The following KAZN variants were observed in gnomAD, a reference collection of about 807,000 sequenced individuals.
KAZN encodes the protein kazrin, periplakin interacting protein.
KAZN carries 40 observed loss-of-function variants against 87.4 expected under a neutral mutation model. The ratio of observed to expected loss-of-function variants is 0.46; its 90% CI spans 0.36 to 0.60. The LOEUF (loss-of-function observed/expected upper bound fraction) is 0.60, where lower values mean the gene tolerates loss of function less well. Ranked by LOEUF, KAZN falls within the 20% of genes least tolerant of loss-of-function variation. The pLI, the probability that KAZN is intolerant of heterozygous loss-of-function variation, is 0.00. For synonymous variants in KAZN, 466 were observed against 458.3 expected (o/e 1.02, Z -0.22); for missense variants, 898 against 1,073.9 (o/e 0.84, Z 2.29).
chr1:14,664,103 A>T (rs887534723), intron 1 of KAZN, among the ~76,000 whole-genome samples: 1 of 152,240 alleles, frequency 6.6e-6, no homozygotes, highest in Non-Finnish European at 1.5e-5. Flanking sequence ...CACCTATATG[A>T]GGTAGTTAGA....
intron 1 of KAZN, among the ~76,000 whole-genome samples, chr1:14,046,592 C>G (rs1331940354): frequency 6.6e-6 from 1 of 152,164 alleles, no homozygotes; most frequent in Non-Finnish European, 1.5e-5. Context: ...TTGGAGAGAG[C>G]TACATGGATC....
intron 1 of KAZN, among the ~76,000 whole-genome samples, chr1:14,822,987 T>A (rs1248899851): frequency 6.6e-6 from 1 of 152,164 alleles, no homozygotes; most frequent in Non-Finnish European, 1.5e-5. Context: ...GCCACCATCC[T>A]ATGGGGAAGG....
chr1:14,710,686 G>A (rs1416592207), intron 1 of KAZN, among the ~76,000 whole-genome samples: 2 of 152,034 alleles, frequency 1.3e-5, no homozygotes, highest in East Asian at 3.9e-4. Flanking sequence ...TTTTTCCATT[G>A]CCCCAGCCCT....
At chr1:14,422,461 A>G (rs945961782) in intron 2 of KAZN, among the ~76,000 whole-genome samples, 2 of 152,232 alleles carry the variant, frequency 1.3e-5, no homozygotes, top group African/African-American at 4.8e-5. Flanking sequence ...TCCAGGGTCA[A>G]CCTGCACCAC....
At chr1:14,365,983 G>T (rs1222967566) in intron 2 of KAZN, among the ~76,000 whole-genome samples, 4 of 152,166 alleles carry the variant, frequency 2.6e-5, no homozygotes, top group Non-Finnish European at 5.9e-5. Context: ...AGTTATTATT[G>T]TTAGTTCATA....
chr1:13,977,922 T>C (rs949732386), intron 1 of KAZN, among the ~76,000 whole-genome samples: 1 of 152,026 alleles, frequency 6.6e-6, no homozygotes, highest in Admixed American at 6.6e-5. Context: ...GGTCAGGAGA[T>C]TGAGACCATC....
intron 1 of KAZN, among the ~76,000 whole-genome samples, chr1:14,025,201 C>T (rs1048248516): frequency 5.3e-5 from 8 of 152,212 alleles, no homozygotes; most frequent in Non-Finnish European, 8.8e-5. Context: ...ATATCATGCA[C>T]TTCACTCAAC....
chr1:14,062,407 T>C (rs1354885852), intron 1 of KAZN, among the ~76,000 whole-genome samples: 1 of 152,174 alleles, frequency 6.6e-6, no homozygotes, highest in African/African-American at 2.4e-5. Flanking sequence ...AGTTTCCCAC[T>C]GAGATCTTAA....
chr1:14,307,119 C>T (rs369831211), intron 2 of KAZN, among the ~76,000 whole-genome samples: 3 of 152,074 alleles, frequency 2.0e-5, no homozygotes, highest in African/African-American at 7.3e-5. Flanking sequence ...GTTGACCCTT[C>T]GTGGTCCCAC....
Position 14,556,872 on chromosome 1 carries a change from C to T in KAZN, c.250-42111C>T, listed in dbSNP as rs763559863. Among the ~76,000 whole-genome samples, 6 of 152,130 alleles carry T rather than the reference C, an allele frequency of 3.9e-5. No individual in the cohort carries two copies. In the South Asian group the frequency reaches 6.2e-4, roughly 16 times the overall value. On this transcript the variant is annotated intron_variant, in intron 2 of 16. Transcript: ENST00000636203. ...CTTAGTGCCCAACTTTAAATATTCC[C>T]GAGGACCCTTGCATGGCTGATCTGG... is the stretch of plus-strand genomic sequence containing the variant.
At chr1:14,981,119 C>G (rs1206157286) in intron 2 of KAZN, among the ~76,000 whole-genome samples, 1 of 152,108 alleles carries the variant, frequency 6.6e-6, no homozygotes, top group African/African-American at 2.4e-5. Context: ...CGTGCTTGCT[C>G]CAAGAAGGGA....
At position 14,856,173 on chromosome 1, in the gene KAZN, G is replaced by T. The variant is rs1650080453; in HGVS notation, c.227-104511G>T. On this transcript the variant is annotated intron_variant, in intron 1 of 14. Coordinates refer to ENST00000376030, the MANE Select transcript of KAZN (RefSeq NM_201628.3). The surrounding 1 kb of genome is among the most constrained non-coding windows in gnomAD (Gnocchi z 5.2). ...TCTGAGGGTGGTCAGGGAGGCTGCA[G>T]CTCTTGGGAGGATAATGGGCATAGA... Among the ~76,000 whole-genome samples the T allele has an allele frequency of 6.6e-6, 1 of 152,196 alleles. No individual in the cohort carries two copies. Among genetic ancestry groups the T allele is most frequent in the African/African-American group, 2.4e-5 (1 of 41,460 alleles).
chr1:14,632,140 G>A (rs1033658957), intron 1 of KAZN, among the ~76,000 whole-genome samples: 10 of 152,230 alleles, frequency 6.6e-5, no homozygotes, highest in East Asian at 1.9e-4. Context: ...TCCCCTTATC[G>A]TGTACAGGTA....
chr1:14,574,931 T>C lies in KAZN; in HGVS notation c.250-24052T>C, dbSNP rs527900353. Among the ~76,000 whole-genome samples the C allele has an allele frequency of 2.0e-5, 3 of 152,118 alleles. No individual in the cohort carries two copies. The East Asian group carries it at 5.8e-4, about 29-fold the overall frequency. ...AGAAAGGAACTTGCTCTCCAGGGCA[T>C]TGAGGAGGAAGAACAAGAGGAAGAT... On this transcript the variant is annotated intron_variant, in intron 2 of 16. Coordinates refer to the KAZN transcript ENST00000636203.
chr1:14,997,403 G>A (rs1280489245), intron 2 of KAZN, among the ~76,000 whole-genome samples: 1 of 151,866 alleles, frequency 6.6e-6, no homozygotes, highest in East Asian at 1.9e-4. Flanking sequence ...ACCACACCCA[G>A]CTCATTTTGT....
chr1:14,901,896 A>G (rs1461072705), intron 1 of KAZN, among the ~76,000 whole-genome samples: 1 of 152,194 alleles, frequency 6.6e-6, no homozygotes, highest in Non-Finnish European at 1.5e-5. Flanking sequence ...CATGAAATAC[A>G]ACGAAGCTCT....
At chr1:14,215,058 G>A (rs1319283486) in intron 2 of KAZN, among the ~76,000 whole-genome samples, 2 of 152,156 alleles carry the variant, frequency 1.3e-5, no homozygotes, top group East Asian at 3.9e-4. Flanking sequence ...AAAGCTTTTT[G>A]GTAATCTCAT....
At chr1:14,449,592 T>C (rs1667157839) in intron 2 of KAZN, among the ~76,000 whole-genome samples, 1 of 151,924 alleles carries the variant, frequency 6.6e-6, no homozygotes, top group South Asian at 2.1e-4. Flanking sequence ...GAGGAGAGAG[T>C]AGTATAAAGC....
chr1:14,224,765 C>T lies in KAZN; in HGVS notation c.249+44173C>T, dbSNP rs142636067. On this transcript the variant is annotated intron_variant, in intron 2 of 16. Coordinates refer to the KAZN transcript ENST00000636203. Reference sequence around the variant, plus strand: ...GGTCTCAGGGAAAAAATGCCTAGCTCGGTGGTTTTGGCATGTTGGACTCAA... The same window carrying T: ...GGTCTCAGGGAAAAAATGCCTAGCTTGGTGGTTTTGGCATGTTGGACTCAA... Among the ~76,000 whole-genome samples the T allele has an allele frequency of 1.3e-3, 201 of 152,124 alleles. No homozygotes were observed. In the Middle Eastern group the frequency reaches 0.017, roughly 13 times the overall value.
Sources: gnomAD v4.1 joint callset for allele counts (sites outside exome capture counted in the v4.1 genomes callset) on GRCh38, gnomAD v4.1.1 for gene constraint, Gnocchi (gnomAD v3.1) non-coding constraint, MANE v1.5 for transcripts, NCBI Gene and HGNC (gene_info 2026-07-23, HGNC 2026-07-21) for gene names.